Variants in CSMD1 observed in about 807,000 individuals in gnomAD.
CSMD1 encodes the protein CUB and Sushi multiple domains 1, also known as CUB and sushi domain-containing protein 1.
CSMD1 carries 213 observed loss-of-function variants against 417.5 expected under a neutral mutation model. That is an observed-to-expected ratio of 0.51 (90% CI 0.46 to 0.57). The LOEUF (loss-of-function observed/expected upper bound fraction) is 0.57, where lower values mean the gene tolerates loss of function less well. Among genes scored for constraint, CSMD1 ranks in the 20% least tolerant of loss-of-function variants. The pLI is 0.00. For missense variants in CSMD1, 6,923 were observed against 4,529.7 expected (o/e 1.53, Z -15.17); for synonymous variants, 2,862 against 1,736.8 (o/e 1.65, Z -16.11).
chr8:2,998,051 C>G lies in CSMD1; in HGVS notation c.8337G>C (p.Arg2779=). The part of the protein sequence containing the change: ...LLQGVSRAQC[R]SNGQWSSPLP... Reference sequence around the variant, plus strand: ...GAGGGCTACTCCACTGGCCGTTGCTCCGACACTGGGCTCGAGACACGCCCT... The same window carrying G: ...GAGGGCTACTCCACTGGCCGTTGCTGCGACACTGGGCTCGAGACACGCCCT... Residue 2779 remains arginine, a synonymous_variant, in exon 54 of 70, where the codon CGG becomes CGC. Transcript: ENST00000635120. 6.2e-7 allele frequency: 1 copy of G among 1,613,992 alleles called. No homozygotes were observed. The highest frequency in any genetic ancestry group is 2.2e-5 in the East Asian group (1 of 44,878).
chr8:4,675,870 C>T (rs1033535826), intron 1 of CSMD1, among the ~76,000 whole-genome samples: 1 of 151,900 alleles, frequency 6.6e-6, no homozygotes, highest in Non-Finnish European at 1.5e-5. Context: ...CTAATTGTTT[C>T]CTAAACAAAA....
At chr8:4,781,466 G>A (rs1797149037) in intron 1 of CSMD1, among the ~76,000 whole-genome samples, 2 of 152,158 alleles carry the variant, frequency 1.3e-5, no homozygotes, top group African/African-American at 2.4e-5. Context: ...TGTTTAGCAT[G>A]GAGGCAACAT....
At chr8:4,389,876 C>G (rs1585000498) in intron 3 of CSMD1, among the ~76,000 whole-genome samples, 2 of 152,184 alleles carry the variant, frequency 1.3e-5, no homozygotes, top group African/African-American at 4.8e-5. Flanking sequence ...TCCCGCCCTA[C>G]TAACAAACAT....
intron 20 of CSMD1, among the ~76,000 whole-genome samples, chr8:3,366,525 G>C (rs529894663): frequency 1.3e-5 from 2 of 152,250 alleles, no homozygotes; most frequent in Non-Finnish European, 2.9e-5. Context: ...CTAACTTGGA[G>C]TATTTTTTGT....
At chr8:4,058,781 G>C (rs1297058746) in intron 3 of CSMD1, among the ~76,000 whole-genome samples, 3 of 148,678 alleles carry the variant, frequency 2.0e-5, no homozygotes, top group Non-Finnish European at 4.5e-5. Context: ...GGAGCACCCA[G>C]ATTCATAAAG....
Position 3,107,718 on chromosome 8 carries a change from C to T in CSMD1, c.6835G>A (p.Gly2279Arg). 1 of 1,560,370 alleles carries T rather than the reference C, an allele frequency of 6.4e-7. No individual in the cohort carries two copies. The highest frequency in any genetic ancestry group is 8.8e-7 in the Non-Finnish European group (1 of 1,141,202). ...GGTATTGTAATGAAGAAAGTATTAC[C>T]TATTTCGAAATCATCATCCTCAGTA... ...MLTEDDDFEIGDFVKYQCHPG... is the reference protein window; with the variant it reads ...MLTEDDDFEIRDFVKYQCHPG... Residue 2279 changes from glycine (G) to arginine (R), a missense_variant and splice_region_variant, in exon 45 of 70, where the codon GGA (glycine) becomes AGA (arginine). Transcript: ENST00000635120.
chr8:3,721,478 C>T (rs912667548), intron 6 of CSMD1, among the ~76,000 whole-genome samples: 2 of 152,122 alleles, frequency 1.3e-5, no homozygotes, highest in South Asian at 2.1e-4. Context: ...AGTTTAACAT[C>T]GGTCACTAAG....
At chr8:4,025,899 A>G (rs1257224611) in intron 4 of CSMD1, among the ~76,000 whole-genome samples, 3 of 152,052 alleles carry the variant, frequency 2.0e-5, no homozygotes, top group Non-Finnish European at 4.4e-5. Context: ...TAATACATTT[A>G]GGTGTCATTA....
At chr8:3,799,211 C>G (rs1009569412) in intron 5 of CSMD1, among the ~76,000 whole-genome samples, 2 of 151,682 alleles carry the variant, frequency 1.3e-5, no homozygotes, top group East Asian at 3.9e-4. Context: ...CATAACTTAC[C>G]TTTCACAACT....
intron 5 of CSMD1, among the ~76,000 whole-genome samples, chr8:3,922,631 A>G (rs1328590127): frequency 6.6e-6 from 1 of 152,200 alleles, no homozygotes; most frequent in African/African-American, 2.4e-5. Flanking sequence ...GCTGATAAAA[A>G]TGTAAATTTG....
At chr8:3,421,482 C>G (rs903648132) in intron 12 of CSMD1, among the ~76,000 whole-genome samples, 5 of 152,144 alleles carry the variant, frequency 3.3e-5, no homozygotes, top group Non-Finnish European at 7.4e-5. Flanking sequence ...TTTATTTACA[C>G]AAAACAAAGA....
intron 7 of CSMD1, among the ~76,000 whole-genome samples, chr8:3,623,728 C>T (rs1449015711): frequency 3.9e-5 from 6 of 152,140 alleles, no homozygotes; most frequent in Admixed American, 1.3e-4. Flanking sequence ...GTAATCCTAG[C>T]ACTTTGGGAG....
rs116888692 is a variant in CSMD1, at chr8:3,584,855, T to G, written c.1222+1281A>C. Among the ~76,000 whole-genome samples, 64 of 152,296 alleles carry G rather than the reference T, an allele frequency of 4.2e-4. No homozygotes were observed. In the East Asian group the frequency reaches 0.011, roughly 25 times the overall value. ...TCCTCCTGTATAATTGGGAGGCTTG[T>G]GCATCACCAGCCCTAGTGGGAACAT... On this transcript the variant is annotated intron_variant, in intron 9 of 69. Transcript: ENST00000635120.
intron 1 of CSMD1, among the ~76,000 whole-genome samples, chr8:4,935,815 G>C (rs928388573): frequency 6.6e-6 from 1 of 152,226 alleles, no homozygotes; most frequent in African/African-American, 2.4e-5. Context: ...ACTTGAGAGA[G>C]TGCTCGGCCT....
chr8:4,302,778 T>G (rs928735768), intron 3 of CSMD1, among the ~76,000 whole-genome samples: 1 of 152,176 alleles, frequency 6.6e-6, no homozygotes, highest in African/African-American at 2.4e-5. Flanking sequence ...CAGGTAGAGT[T>G]GGCACCGTCA....
At chr8:4,001,709 C>T (rs1301135086) in intron 4 of CSMD1, among the ~76,000 whole-genome samples, 1 of 152,110 alleles carries the variant, frequency 6.6e-6, no homozygotes, top group African/African-American at 2.4e-5. Flanking sequence ...ATCATGGAGA[C>T]CCATAGTTCA....
chr8:3,033,538 G>A (rs1810479513), intron 50 of CSMD1, among the ~76,000 whole-genome samples: 1 of 152,058 alleles, frequency 6.6e-6, no homozygotes, highest in African/African-American at 2.4e-5. Flanking sequence ...TTATAAGTGG[G>A]AGTTGAACAA....
intron 3 of CSMD1, among the ~76,000 whole-genome samples, chr8:4,417,680 A>C (rs934162587): frequency 6.6e-6 from 1 of 152,044 alleles, no homozygotes; most frequent in Non-Finnish European, 1.5e-5. Flanking sequence ...TCTCTCCAAA[A>C]TAAAAACTAA....
At chr8:4,336,686 G>C (rs773805312) in intron 3 of CSMD1, among the ~76,000 whole-genome samples, 1 of 152,092 alleles carries the variant, frequency 6.6e-6, no homozygotes, top group Non-Finnish European at 1.5e-5. Flanking sequence ...GTCCTTCGAA[G>C]ACAAAGTAGA....
Sources: gnomAD v4.1 joint callset for allele counts (sites outside exome capture counted in the v4.1 genomes callset) on GRCh38, gnomAD v4.1.1 for gene constraint, MANE v1.5 for transcripts, NCBI Gene and HGNC (gene_info 2026-07-23, HGNC 2026-07-21) for gene names.